Variants in SF3B3 observed in about 807,000 individuals in gnomAD.
SF3B3 encodes the protein splicing factor 3b subunit 3.
A neutral mutation model predicts 139.2 loss-of-function variants in SF3B3; 33 were observed. The observed-to-expected ratio is 0.24, with a 90% CI of 0.18 to 0.32. The LOEUF is 0.32. SF3B3 is among the 10% of genes least tolerant of loss of function. SF3B3 has a pLI of 1.00. For synonymous variants in SF3B3, 596 were observed against 563.6 expected (o/e 1.06, Z -0.81); for missense variants, 818 against 1,509.4 (o/e 0.54, Z 7.59).
intron 9 of SF3B3, among the ~76,000 whole-genome samples, chr16:70,542,206 C>T (rs772088066): frequency 2.9e-5 from 4 of 136,088 alleles, no homozygotes; most frequent in Non-Finnish European, 4.9e-5. Context: ...CATTTACAAT[C>T]ATGTATATGT....
Position 70,563,858 on chromosome 16 carries a change from C to T in SF3B3, c.2289-18C>T. The stretch of plus-strand genomic sequence containing the variant: ...GTCCGAGTGAGTATTAAATAACTGC[C>T]TTGCTTTTTTGTCATAGGATTTTGG... On this transcript the variant is annotated intron_variant, in intron 17 of 25. Transcript: ENST00000302516. 1 of 1,613,036 alleles carries T rather than the reference C, an allele frequency of 6.2e-7. No homozygotes were observed. Among genetic ancestry groups the T allele is most frequent in the Non-Finnish European group, 8.5e-7 (1 of 1,179,416 alleles).
At chr16:70,533,628 T>C (rs1329305083) in intron 5 of SF3B3, among the ~76,000 whole-genome samples, 2 of 152,218 alleles carry the variant, frequency 1.3e-5, no homozygotes, top group African/African-American at 4.8e-5. Flanking sequence ...ACGTTACTAA[T>C]TGATTATATT....
At chr16:70,527,865 T>TCG (rs1272710604) in intron 2 of SF3B3, among the ~76,000 whole-genome samples, 1 of 152,170 alleles carries the variant, frequency 6.6e-6, no homozygotes, top group Admixed American at 6.6e-5. Flanking sequence ...CACCTCCGCC[T>TCG]CCTGGGTTCA....
chr16:70,568,375 G>A lies in SF3B3; in HGVS notation c.3045G>A (p.Lys1015=). 1.2e-6 allele frequency: 2 copies of A among 1,613,960 alleles called. No homozygotes were observed. The highest frequency in any genetic ancestry group is 2.2e-5 in the South Asian group (2 of 91,072). ...AAAGTTTCATCTGGGTTCGCTACAA[G>A]CGTAATGAAAACCAGCTTATCATCT... ...VQESFIWVRY[K]RNENQLIIFA... Residue 1015 remains lysine, a synonymous_variant, in exon 22 of 26, where the codon AAG becomes AAA. Coordinates refer to ENST00000302516, the MANE Select transcript of SF3B3 (RefSeq NM_012426.5).
At chr16:70,538,180 C>G (rs1458039977) in intron 6 of SF3B3, 143 bp from the exon 7 acceptor site, 1 of 797,590 alleles carries the variant, frequency 1.3e-6, no homozygotes, top group Non-Finnish European at 2.2e-6. Context: ...GGTTCCAGTG[C>G]TCTGGCTGGC....
chr16:70,564,746 G>A (rs1276572019), intron 18 of SF3B3, among the ~76,000 whole-genome samples: 1 of 152,182 alleles, frequency 6.6e-6, no homozygotes, highest in African/African-American at 2.4e-5. Context: ...GAAATCAGAT[G>A]GGTTGGATAG....
chr16:70,541,601 T>A, intron 8 of SF3B3, 68 bp from the exon 9 acceptor site: 1 of 1,290,316 alleles, frequency 7.8e-7, no homozygotes, highest in Non-Finnish European at 1.1e-6. Context: ...TGCTTTATGT[T>A]GATGCCAGAC....
intron 11 of SF3B3, chr16:70,550,261 G>A (rs2050309918): frequency 6.6e-6 from 1 of 152,266 alleles, no homozygotes; most frequent in African/African-American, 2.4e-5. Flanking sequence ...AAAGGCACAG[G>A]TACATTGCTG....
intron 5 of SF3B3, among the ~76,000 whole-genome samples, chr16:70,534,212 G>T (rs1399566567): frequency 2.6e-5 from 4 of 152,176 alleles, no homozygotes; most frequent in East Asian, 1.9e-4. Context: ...GGAAGTTTCA[G>T]TTGTAGGCAA....
chr16:70,542,407 G>T (rs1366088614), intron 9 of SF3B3, among the ~76,000 whole-genome samples: 1 of 152,188 alleles, frequency 6.6e-6, no homozygotes, highest in Non-Finnish European at 1.5e-5. Context: ...ACATTCTCAA[G>T]GAGGAACCTG....
rs559581626 is a variant in SF3B3 at position 70,532,347 on chromosome 16, C to T, written c.571-132C>T. Reference sequence around the variant, plus strand: ...TGCAGCCTGGGTGACATAGTGAGAACCTGTCTCTCCAAAAAAAAAAGAAGA... The same window carrying T: ...TGCAGCCTGGGTGACATAGTGAGAATCTGTCTCTCCAAAAAAAAAAGAAGA... On this transcript the variant is annotated intron_variant, in intron 4 of 25. Transcript: ENST00000302516. 1.2e-4 allele frequency: 52 copies of T among 434,816 alleles called. 1 individual carries two copies. Among genetic ancestry groups the T allele is most frequent in the South Asian group, 1.1e-3 (43 of 38,538 alleles). The allele number at this position is 434,816 out of a possible 1,614,324, so 26.9% of individuals were successfully genotyped here.
intron 1 of SF3B3, chr16:70,524,770 T>C (rs2050037160): frequency 6.6e-6 from 1 of 152,190 alleles, no homozygotes; most frequent in Non-Finnish European, 1.5e-5. Flanking sequence ...AAGCTCCGCT[T>C]TCCGGGTTCA....
At chr16:70,530,340 G>A (rs1197064206) in intron 3 of SF3B3, among the ~76,000 whole-genome samples, 1 of 147,068 alleles carries the variant, frequency 6.8e-6, no homozygotes, top group Non-Finnish European at 1.5e-5. Context: ...TTCAAATGAG[G>A]CAGAGTTTCG....
chr16:70,529,447 TG>T (rs962626016), intron 3 of SF3B3: 20 of 521,334 alleles, frequency 3.8e-5, no homozygotes, highest in Non-Finnish European at 6.5e-5. Flanking sequence ...TCTTTTTCTT[TG>T]GCAAAAAGAC....
chr16:70,528,550 C>T (rs1037096238), intron 2 of SF3B3, among the ~76,000 whole-genome samples: 1 of 145,960 alleles, frequency 6.9e-6, no homozygotes, highest in African/African-American at 2.5e-5. Flanking sequence ...TAACCCACTA[C>T]ATTCTCTGAA....
At chr16:70,528,586 C>T (rs9928808) in intron 2 of SF3B3, among the ~76,000 whole-genome samples, 18,221 of 151,278 alleles carry the variant, frequency 0.12, 3,633 homozygotes, top group African/African-American at 0.41. Flanking sequence ...TGTCCTCCCA[C>T]GTAGCTGGGA....
chr16:70,565,470 C>G lies in SF3B3; in HGVS notation c.2772C>G (p.Phe924Leu). 3 of 1,614,114 alleles carry G rather than the reference C, an allele frequency of 1.9e-6. No homozygotes were observed. Among genetic ancestry groups the G allele is most frequent in the Non-Finnish European group, 2.5e-6 (3 of 1,180,020 alleles). The change falls in exon 20 of 26, where the codon TTC (phenylalanine) becomes TTG (leucine). Residue 924 changes from phenylalanine (F) to leucine (L), a missense_variant. Phe to Leu is a conservative substitution (Grantham distance 22). Around this residue, in one of 14 missense-constraint regions of SF3B3, gnomAD observed 145 missense variants for 153.6 expected, o/e 0.94. Transcript: ENST00000302516. ...ILNPRSVAGGFVYTYKLVNNG... is the reference protein window; with the variant it reads ...ILNPRSVAGGLVYTYKLVNNG... ...ACCCCCGATCTGTGGCAGGGGGCTTCGTCTATACTTACAAGCTTGTGAACA... is the reference window on the plus strand; with the variant it reads ...ACCCCCGATCTGTGGCAGGGGGCTTGGTCTATACTTACAAGCTTGTGAACA...
At chr16:70,551,728 G>A (rs2050328503) in intron 11 of SF3B3, among the ~76,000 whole-genome samples, 2 of 152,186 alleles carry the variant, frequency 1.3e-5, no homozygotes, top group African/African-American at 4.8e-5. Context: ...ATTTTTTATA[G>A]AATTGGGGTC....
intron 9 of SF3B3, among the ~76,000 whole-genome samples, chr16:70,543,684 G>T (rs1002001469): frequency 6.6e-6 from 1 of 151,930 alleles, no homozygotes; most frequent in African/African-American, 2.4e-5. Flanking sequence ...CTCTAACCTC[G>T]GTGACAGAGT....
Sources: allele counts gnomAD v4.1 joint callset (sites outside exome capture counted in the v4.1 genomes callset), GRCh38; gene constraint gnomAD v4.1.1; regional missense constraint gnomAD v4.1.1; transcripts MANE v1.5; gene names NCBI Gene and HGNC (gene_info 2026-07-23, HGNC 2026-07-21).